The following NOL4 variants were observed in gnomAD, a reference collection of about 807,000 sequenced individuals.
NOL4 encodes the protein nucleolar protein 4, also known as cancer/testis antigen 125.
In NOL4, 17 loss-of-function variants were observed where a neutral mutation model predicts 75.9. That is an observed-to-expected ratio of 0.22 (90% confidence interval 0.15 to 0.34). The LOEUF is 0.34. Among genes scored for constraint, NOL4 ranks in the 10% least tolerant of loss-of-function variants. The pLI is 1.00. For synonymous variants in NOL4, 292 were observed against 289.9 expected, an observed-to-expected ratio of 1.01 and a Z score of -0.07; for missense variants, 614 against 793.5, an observed-to-expected ratio of 0.77 and a Z score of 2.72.
chr18:33,891,239 C>T (rs371808960), intron 9 of NOL4, among the ~76,000 whole-genome samples: 2 of 151,970 alleles, frequency 1.3e-5, no homozygotes, highest in African/African-American at 4.8e-5. Context: ...TGATTTCAAG[C>T]TGATGTCCAT....
In NOL4 at chr18:33,918,000, A is replaced by G. The variant is rs73955074; in HGVS notation, c.1542+25065T>C. On this transcript the variant is annotated intron_variant, in intron 9 of 10. Transcript: ENST00000261592. ...TAAATGATTTTATTTTATTGTTGTC[A>G]TTGTACAAACATCTTATTCTAGTTT... 9.6e-3 allele frequency among the ~76,000 whole-genome samples: 1,469 copies of G among 152,254 alleles called. 25 individuals carry two copies. The highest frequency in any genetic ancestry group is 0.033 in the African/African-American group (1,376 of 41,526).
At chr18:34,195,849 C>T (rs1462733604) in intron 1 of NOL4, among the ~76,000 whole-genome samples, 1 of 152,110 alleles carries the variant, frequency 6.6e-6, no homozygotes, top group African/African-American at 2.4e-5. Flanking sequence ...AATATCATGA[C>T]ATTAGCATTA....
At chr18:34,183,386 T>G (rs1165586419) in intron 1 of NOL4, 2 of 151,864 alleles carry the variant, frequency 1.3e-5, no homozygotes, top group Non-Finnish European at 1.5e-5. Context: ...ACTCTGACAA[T>G]GTCAAATGCC....
At chr18:34,034,126 A>C (rs1225758057) in intron 5 of NOL4, among the ~76,000 whole-genome samples, 1 of 152,206 alleles carries the variant, frequency 6.6e-6, no homozygotes, top group Admixed American at 6.5e-5. Context: ...TAAAGCAAAC[A>C]GACAAATGAG....
At chr18:34,093,766 G>C (rs1038030094) in intron 4 of NOL4, among the ~76,000 whole-genome samples, 169 bp from the exon 5 acceptor site, 6 of 152,196 alleles carry the variant, frequency 3.9e-5, no homozygotes, top group African/African-American at 7.2e-5. Flanking sequence ...TGGGCCGGGC[G>C]TGGTGGCTCA....
chr18:33,882,386 G>A (rs1014976464), intron 10 of NOL4, among the ~76,000 whole-genome samples: 2 of 152,126 alleles, frequency 1.3e-5, no homozygotes, highest in Non-Finnish European at 2.9e-5. Context: ...CCACCAAAAA[G>A]TGGGTGAAGG....
At chr18:33,937,581 G>A (rs539964223) in intron 9 of NOL4, among the ~76,000 whole-genome samples, 9 of 152,184 alleles carry the variant, frequency 5.9e-5, no homozygotes, top group African/African-American at 1.9e-4. Flanking sequence ...GGTTAAGAAT[G>A]CACACAGGAA....
At chr18:34,118,771 C>A (rs1214113065) in intron 2 of NOL4, among the ~76,000 whole-genome samples, 5 of 152,048 alleles carry the variant, frequency 3.3e-5, no homozygotes, top group Non-Finnish European at 7.4e-5. Context: ...CAATAATTTT[C>A]TTTTCTATTA....
intron 10 of NOL4, among the ~76,000 whole-genome samples, chr18:33,869,018 C>A (rs1361992072): frequency 6.6e-6 from 1 of 151,658 alleles, no homozygotes; most frequent in Non-Finnish European, 1.5e-5. Context: ...AAAAATGGTC[C>A]TCTTTTTGGC....
At chr18:34,194,065 G>C (rs1250986997) in intron 1 of NOL4, among the ~76,000 whole-genome samples, 3 of 152,178 alleles carry the variant, frequency 2.0e-5, no homozygotes, top group East Asian at 3.9e-4. Context: ...GTTACCAGGG[G>C]CTAGGGTGGG....
At chr18:33,988,352 A>G (rs1268792960) in intron 6 of NOL4, among the ~76,000 whole-genome samples, 1 of 152,094 alleles carries the variant, frequency 6.6e-6, no homozygotes, top group African/African-American at 2.4e-5. Context: ...TGGAGATTTC[A>G]GTTTCAGAGG....
intron 9 of NOL4, among the ~76,000 whole-genome samples, chr18:33,884,321 G>T (rs1166446099): frequency 1.3e-5 from 2 of 151,666 alleles, no homozygotes; most frequent in Non-Finnish European, 2.9e-5. Context: ...TTTGAGTGCC[G>T]ACTCCAAGCT....
At chr18:33,889,853 A>C (rs1432133774) in intron 9 of NOL4, among the ~76,000 whole-genome samples, 1 of 152,110 alleles carries the variant, frequency 6.6e-6, no homozygotes, top group Non-Finnish European at 1.5e-5. Flanking sequence ...CATGCTAAAA[A>C]CTCTCAATAA....
intron 5 of NOL4, among the ~76,000 whole-genome samples, chr18:34,024,243 G>A (rs1217937769): frequency 1.7e-5 from 2 of 119,210 alleles, no homozygotes; most frequent in Admixed American, 8.7e-5. Flanking sequence ...TTAGTACTTG[G>A]AAATTTAGTC....
At chr18:34,130,478 C>T (rs982668194) in intron 1 of NOL4, among the ~76,000 whole-genome samples, 1 of 151,826 alleles carries the variant, frequency 6.6e-6, no homozygotes, top group Admixed American at 6.6e-5. Context: ...TAGGTTATTG[C>T]ATAACCTAGG....
chr18:33,889,638 A>G (rs962285828), intron 9 of NOL4, among the ~76,000 whole-genome samples: 28 of 152,274 alleles, frequency 1.8e-4, no homozygotes, highest in African/African-American at 5.1e-4. Context: ...AAAATCCTCA[A>G]TAAAATACTG....
In NOL4 at chr18:34,195,499, C is replaced by T. The variant is rs549646882; in HGVS notation, c.264+27491G>A. ...TGCAAATTTGATGATTTTATTAGTA[C>T]GAAATACTGAAGAGGCCAAACCCAG... On this transcript the variant is annotated intron_variant, in intron 1 of 10. Transcript: ENST00000261592. Among the ~76,000 whole-genome samples the T allele has an allele frequency of 6.7e-4, 102 of 151,908 alleles. 1 individual carries two copies. Among genetic ancestry groups the T allele is most frequent in the African/African-American group, 2.1e-3 (88 of 41,450 alleles).
At chr18:34,147,677 C>CT (rs903644443) in intron 1 of NOL4, among the ~76,000 whole-genome samples, 1 of 151,930 alleles carries the variant, frequency 6.6e-6, no homozygotes, top group Non-Finnish European at 1.5e-5. Context: ...CTGAAATTTT[C>CT]TTTTTTTGTT....
Position 33,851,805 on chromosome 18 carries a change from C to G in NOL4, c.*1037G>C, listed in dbSNP as rs1210886205. 3 of 152,452 alleles carry G rather than the reference C, an allele frequency of 2.0e-5. No homozygotes were observed. The highest frequency in any genetic ancestry group is 7.2e-5 in the African/African-American group (3 of 41,418). The allele number at this position is 152,452 out of a possible 1,614,324, so 9.4% of individuals were successfully genotyped here. The stretch of plus-strand genomic sequence containing the variant: ...AGCTAGAACTGAAAATTATACAAAT[C>G]ATATCAGGAGATGTAATGGTCTTTT... On this transcript the variant is annotated 3_prime_UTR_variant, in exon 11 of 11. Coordinates refer to ENST00000261592, the MANE Select transcript of NOL4 (RefSeq NM_003787.5).
Sources: allele counts gnomAD v4.1 joint callset (sites outside exome capture counted in the v4.1 genomes callset), GRCh38; gene constraint gnomAD v4.1.1; transcripts MANE v1.5; gene names NCBI Gene and HGNC (gene_info 2026-07-23, HGNC 2026-07-21).